The following L3MBTL4 variants were observed in gnomAD, a reference collection of about 807,000 sequenced individuals.
The protein encoded by L3MBTL4 is lethal(3)malignant brain tumor-like protein 4.
A neutral mutation model predicts 84.5 loss-of-function variants in L3MBTL4; 70 were observed. The observed-to-expected ratio is 0.83, with a 90% CI of 0.68 to 1.01. L3MBTL4 has a LOEUF of 1.01. Ranked by LOEUF, L3MBTL4 falls within the 50% of genes least tolerant of loss-of-function variation. The pLI is 0.00. For missense variants in L3MBTL4, 715 were observed against 754.8 expected, an observed-to-expected ratio of 0.95 and a Z score of 0.62; for synonymous variants, 274 against 259.8, an observed-to-expected ratio of 1.05 and a Z score of -0.52.
At position 6,241,254 on chromosome 18, in the gene L3MBTL4, T is replaced by C. The variant is rs1489150583; in HGVS notation, c.552+104A>G. ...GAAAAGTGACAGGAAGTTAACAGTTTCCATAACTTCTTAAAGGATTAAAAT... is the reference window on the plus strand; with the variant it reads ...GAAAAGTGACAGGAAGTTAACAGTTCCCATAACTTCTTAAAGGATTAAAAT... On this transcript the variant is annotated intron_variant, in intron 8 of 18. Coordinates refer to ENST00000317931, the MANE Select transcript of L3MBTL4 (RefSeq NM_001330559.2). The C allele has an allele frequency of 9.8e-6, 7 of 715,726 alleles. No homozygotes were observed. In the East Asian group the frequency reaches 1.9e-4, roughly 19 times the overall value. 44.3% of individuals were successfully genotyped at this position (715,726 alleles called of 1,614,324 possible).
chr18:6,129,279 G>A (rs191863667), intron 14 of L3MBTL4, among the ~76,000 whole-genome samples: 16 of 151,826 alleles, frequency 1.1e-4, no homozygotes, highest in Admixed American at 6.6e-4. Context: ...TCAGCTATAC[G>A]TGTACCTATT....
intron 16 of L3MBTL4, among the ~76,000 whole-genome samples, chr18:6,044,578 C>T (rs2056536981): frequency 6.6e-6 from 1 of 151,880 alleles, no homozygotes; most frequent in Non-Finnish European, 1.5e-5. Flanking sequence ...TTGTGTGGGA[C>T]TATGAAGGTT....
chr18:5,979,115 G>A (rs1206581304), intron 16 of L3MBTL4, among the ~76,000 whole-genome samples: 1 of 152,112 alleles, frequency 6.6e-6, no homozygotes. Context: ...GATCCTTCTT[G>A]GATGAAGGAA....
intron 14 of L3MBTL4, among the ~76,000 whole-genome samples, chr18:6,137,678 C>T (rs955790961): frequency 4.6e-5 from 7 of 152,108 alleles, no homozygotes; most frequent in African/African-American, 1.7e-4. Flanking sequence ...CATATTTATT[C>T]GTATTATTTT....
chr18:6,163,265 G>GT (rs2043439507), intron 13 of L3MBTL4, among the ~76,000 whole-genome samples: 2 of 103,016 alleles, frequency 1.9e-5, no homozygotes, highest in Non-Finnish European at 4.1e-5. Context: ...TGTGTGGGGG[G>GT]GGGGTGGGTG....
chr18:6,321,339 G>A (rs929022806), intron 1 of L3MBTL4, among the ~76,000 whole-genome samples: 18 of 152,072 alleles, frequency 1.2e-4, no homozygotes, highest in African/African-American at 4.3e-4. Flanking sequence ...ATCCAACAAA[G>A]GACTAATATC....
intron 16 of L3MBTL4, among the ~76,000 whole-genome samples, chr18:5,995,940 G>C (rs1055065459): frequency 2.0e-5 from 3 of 152,130 alleles, no homozygotes; most frequent in Admixed American, 2.0e-4. Flanking sequence ...GGAGATTTTT[G>C]TTTATTAACC....
At chr18:6,403,601 G>T (rs1318759799) in intron 1 of L3MBTL4, among the ~76,000 whole-genome samples, 1 of 152,102 alleles carries the variant, frequency 6.6e-6, no homozygotes, top group Non-Finnish European at 1.5e-5. Context: ...TATTATTTAT[G>T]CACACTATAT....
At chr18:5,964,341 C>T (rs968097553) in intron 17 of L3MBTL4, among the ~76,000 whole-genome samples, 13 of 152,198 alleles carry the variant, frequency 8.5e-5, no homozygotes, top group African/African-American at 2.9e-4. Flanking sequence ...TGGAGCTCAG[C>T]AGGACTCATG....
chr18:6,317,462 A>G (rs770718528), intron 1 of L3MBTL4, among the ~76,000 whole-genome samples: 2 of 152,158 alleles, frequency 1.3e-5, no homozygotes, highest in Non-Finnish European at 2.9e-5. Flanking sequence ...TTAAAAATGC[A>G]TGGGAAACTT....
At chr18:6,125,464 T>C (rs2059662607) in intron 14 of L3MBTL4, among the ~76,000 whole-genome samples, 1 of 152,308 alleles carries the variant, frequency 6.6e-6, no homozygotes. Context: ...GTTCTCATTC[T>C]GTCACCCAGG....
rs554066065 is a variant in L3MBTL4, at chr18:6,040,990, G to C, written c.1444+39891C>G. Among the ~76,000 whole-genome samples the C allele has an allele frequency of 2.0e-5, 3 of 152,336 alleles. No homozygotes were observed. In the South Asian group the frequency reaches 6.2e-4, roughly 32 times the overall value. ...AAACAAGAACAACAGCAAAACTTGTGATCTGTTCAGAAAATGTGTCACAAC... is the reference window on the plus strand; with the variant it reads ...AAACAAGAACAACAGCAAAACTTGTCATCTGTTCAGAAAATGTGTCACAAC... On this transcript the variant is annotated intron_variant, in intron 16 of 18. Coordinates refer to ENST00000317931, the MANE Select transcript of L3MBTL4 (RefSeq NM_001330559.2).
At chr18:5,959,020 C>T (rs147095386) in intron 18 of L3MBTL4, among the ~76,000 whole-genome samples, 4 of 152,178 alleles carry the variant, frequency 2.6e-5, no homozygotes, top group Non-Finnish European at 2.9e-5. Context: ...CAGAGCCAGG[C>T]GAACCCCACA....
chr18:6,033,201 G>A (rs2055924579), intron 16 of L3MBTL4, among the ~76,000 whole-genome samples: 1 of 152,052 alleles, frequency 6.6e-6, no homozygotes, highest in African/African-American at 2.4e-5. Context: ...ATATCCTTTT[G>A]TGGTATTAAA....
intron 16 of L3MBTL4, among the ~76,000 whole-genome samples, chr18:6,034,251 C>T (rs902850153): frequency 6.6e-6 from 1 of 152,098 alleles, no homozygotes; most frequent in South Asian, 2.1e-4. Context: ...CACCCACTAA[C>T]TCGTCATCTA....
chr18:6,106,841 C>T lies in L3MBTL4; in HGVS notation c.1200-13313G>A, dbSNP rs1193707850. ...AAAAGCCTCTGCCATTTAAATCCAT[C>T]CACAAATCTCTGTAGAATGTCCCTG... On this transcript the variant is annotated intron_variant, in intron 14 of 18. Coordinates refer to ENST00000317931, the MANE Select transcript of L3MBTL4 (RefSeq NM_001330559.2). Among the ~76,000 whole-genome samples the T allele has an allele frequency of 2.0e-5, 3 of 152,144 alleles. No homozygotes were observed. In the East Asian group the frequency reaches 5.8e-4, roughly 29 times the overall value.
At chr18:6,202,512 C>T (rs2045690824) in intron 12 of L3MBTL4, among the ~76,000 whole-genome samples, 2 of 152,042 alleles carry the variant, frequency 1.3e-5, no homozygotes, top group South Asian at 2.1e-4. Context: ...GAGAAACAAG[C>T]TAGGAGGTGT....
At chr18:6,321,188 G>A (rs2051383514) in intron 1 of L3MBTL4, among the ~76,000 whole-genome samples, 2 of 152,072 alleles carry the variant, frequency 1.3e-5, no homozygotes, top group South Asian at 2.1e-4. Context: ...TTATGACTAC[G>A]ACCCCAAAAG....
intron 14 of L3MBTL4, among the ~76,000 whole-genome samples, chr18:6,132,060 ACT>A (rs1205298889): frequency 6.6e-6 from 1 of 151,926 alleles, no homozygotes; most frequent in African/African-American, 2.4e-5. Flanking sequence ...CATGATCCAC[ACT>A]CTCCAATGAT....
Sources: gnomAD v4.1 joint callset for allele counts (sites outside exome capture counted in the v4.1 genomes callset) on GRCh38, gnomAD v4.1.1 for gene constraint, MANE v1.5 for transcripts, NCBI Gene and HGNC (gene_info 2026-07-23, HGNC 2026-07-21) for gene names.